SLC35F3: variants seen among roughly 807,000 people sequenced by gnomAD.
The protein encoded by SLC35F3 is putative thiamine transporter SLC35F3.
SLC35F3 carries 25 observed loss-of-function variants against 49.9 expected under a neutral mutation model. That is an observed-to-expected ratio of 0.50 (90% CI 0.37 to 0.70). The LOEUF is 0.70. SLC35F3 is among the 30% of genes least tolerant of loss of function. The probability of loss-of-function intolerance (pLI) is 0.00; values close to 1 mark genes in which losing one functional copy is unlikely to be tolerated. For synonymous variants in SLC35F3, 275 were observed against 265.4 expected, an observed-to-expected ratio of 1.04 and a Z score of -0.35; for missense variants, 525 against 639.8, an observed-to-expected ratio of 0.82 and a Z score of 1.94.
chr1:234,274,848 C>T (rs907065052), intron 3 of SLC35F3, among the ~76,000 whole-genome samples: 1 of 152,188 alleles, frequency 6.6e-6, no homozygotes, highest in African/African-American at 2.4e-5. Context: ...TTAAAAGTGG[C>T]ATGCAGGCTT....
At chr1:234,019,120 T>C (rs551673614) in intron 2 of SLC35F3, among the ~76,000 whole-genome samples, 162 of 152,294 alleles carry the variant, frequency 1.1e-3, no homozygotes, top group African/African-American at 3.8e-3. Flanking sequence ...GAGAAGTGTA[T>C]TCCAGCCAAG....
intron 2 of SLC35F3, among the ~76,000 whole-genome samples, chr1:233,911,314 C>G (rs1196861138): frequency 6.6e-6 from 1 of 152,010 alleles, no homozygotes; most frequent in East Asian, 1.9e-4. Context: ...CAAAAATGAC[C>G]CACTTGTAAG....
At chr1:233,965,932 T>A (rs1572000786) in intron 2 of SLC35F3, among the ~76,000 whole-genome samples, 1 of 152,130 alleles carries the variant, frequency 6.6e-6, no homozygotes, top group African/African-American at 2.4e-5. Flanking sequence ...TTTGGCTAGG[T>A]TGGATATTTT....
intron 2 of SLC35F3, among the ~76,000 whole-genome samples, chr1:233,956,292 T>C (rs1224590265): frequency 1.3e-5 from 2 of 152,054 alleles, no homozygotes; most frequent in African/African-American, 2.4e-5. Flanking sequence ...TCAGCAAATA[T>C]TAGGGCCAGA....
chr1:234,233,051 C>A (rs1055357090), intron 3 of SLC35F3, among the ~76,000 whole-genome samples: 6 of 152,144 alleles, frequency 3.9e-5, no homozygotes. Flanking sequence ...GAATTCTGAT[C>A]CTCAGGGTTG....
chr1:233,907,159 T>A (rs772329446), intron 2 of SLC35F3, among the ~76,000 whole-genome samples: 14 of 152,230 alleles, frequency 9.2e-5, no homozygotes, highest in Non-Finnish European at 1.9e-4. Flanking sequence ...AAATAGCAAT[T>A]TTCTATTCTT....
chr1:234,029,767 C>T (rs1261957863), intron 2 of SLC35F3, among the ~76,000 whole-genome samples: 1 of 152,066 alleles, frequency 6.6e-6, no homozygotes, highest in Non-Finnish European at 1.5e-5. Flanking sequence ...GAAGCAGAGG[C>T]AGGAGGATCG....
chr1:234,317,579 A>C (rs1657521733), intron 5 of SLC35F3, among the ~76,000 whole-genome samples: 1 of 152,208 alleles, frequency 6.6e-6, no homozygotes, highest in African/African-American at 2.4e-5. Flanking sequence ...AGTCAAAGAA[A>C]AGGCATTTTT....
intron 2 of SLC35F3, among the ~76,000 whole-genome samples, chr1:233,925,109 G>T (rs993893399): frequency 6.6e-6 from 1 of 152,168 alleles, no homozygotes; most frequent in Non-Finnish European, 1.5e-5. Flanking sequence ...TGTATATTCT[G>T]TTGATTTGGG....
intron 2 of SLC35F3, among the ~76,000 whole-genome samples, chr1:234,135,604 A>G (rs143842916): frequency 6.6e-6 from 1 of 152,368 alleles, no homozygotes; most frequent in Non-Finnish European, 1.5e-5. Context: ...AACCAGGTGC[A>G]AGTTTCCAGG....
chr1:234,238,392 G>A (rs930779888), intron 3 of SLC35F3, among the ~76,000 whole-genome samples: 1 of 152,122 alleles, frequency 6.6e-6, no homozygotes, highest in African/African-American at 2.4e-5. Flanking sequence ...AATGAGATGG[G>A]GGAGGCTGAA....
intron 2 of SLC35F3, among the ~76,000 whole-genome samples, chr1:233,976,133 T>G (rs1407948539): frequency 6.6e-6 from 1 of 152,176 alleles, no homozygotes; most frequent in Admixed American, 6.5e-5. Context: ...AGGAGACAAA[T>G]TTTTAAGAAA....
intron 2 of SLC35F3, among the ~76,000 whole-genome samples, chr1:234,147,404 ATTCT>A (rs1185768551): frequency 1.3e-5 from 2 of 151,980 alleles, no homozygotes; most frequent in African/African-American, 4.8e-5. Flanking sequence ...TTTGTACATA[ATTCT>A]TTATGTTTCA....
At chr1:234,261,606 T>C (rs1667906755) in intron 3 of SLC35F3, 2 of 152,352 alleles carry the variant, frequency 1.3e-5, no homozygotes, top group Admixed American at 6.5e-5. Context: ...CATCCTGTTT[T>C]ATCAGCAGGG....
intron 2 of SLC35F3, among the ~76,000 whole-genome samples, chr1:234,057,266 C>G (rs964938113): frequency 2.0e-5 from 3 of 152,150 alleles, no homozygotes; most frequent in Admixed American, 6.5e-5. Flanking sequence ...TGCCATTTAA[C>G]AGTGTTAAAT....
intron 2 of SLC35F3, among the ~76,000 whole-genome samples, chr1:234,153,361 C>T (rs1666102776): frequency 6.6e-6 from 1 of 152,130 alleles, no homozygotes; most frequent in South Asian, 2.1e-4. Flanking sequence ...ATAATTCCAG[C>T]ACTTAGGGAG....
intron 2 of SLC35F3, among the ~76,000 whole-genome samples, chr1:234,191,578 GA>G (rs1666730554): frequency 6.6e-6 from 1 of 151,704 alleles, no homozygotes. Flanking sequence ...CCCAGCAGAA[GA>G]AGAGAAATAA....
chr1:234,064,879 T>A (rs1444903732), intron 2 of SLC35F3, among the ~76,000 whole-genome samples: 1 of 152,142 alleles, frequency 6.6e-6, no homozygotes, highest in East Asian at 1.9e-4. Flanking sequence ...AGGAAGCAGA[T>A]ATTGAAAGCC....
At chr1:234,045,305 A>T (rs561466783) in intron 2 of SLC35F3, among the ~76,000 whole-genome samples, 3 of 152,276 alleles carry the variant, frequency 2.0e-5, no homozygotes, top group South Asian at 2.1e-4. Flanking sequence ...ACCATGCTTC[A>T]GCTTGTGTTT....
Sources: gnomAD v4.1 joint callset for allele counts (sites outside exome capture counted in the v4.1 genomes callset) on GRCh38, gnomAD v4.1.1 for gene constraint, MANE v1.5 for transcripts, NCBI Gene and HGNC (gene_info 2026-07-23, HGNC 2026-07-21) for gene names.